OR4K15: variants seen among roughly 807,000 people sequenced by gnomAD.
OR4K15 encodes the protein olfactory receptor family 4 subfamily K member 15, also known as olfactory receptor 4K15.
For missense variants in OR4K15, 392 were observed against 390.2 expected (o/e 1.00, Z -0.04); for synonymous variants, 144 against 145.6 (o/e 0.99, Z 0.08).
Position 19,976,295 on chromosome 14 carries a change from G to T in OR4K15, c.705G>T (p.Lys235Asn), listed in dbSNP as rs150650365. The change falls in exon 1 of 1, where the codon AAG becomes AAT. Residue 235 changes from lysine to asparagine, a missense_variant. Coordinates refer to ENST00000305051, the MANE Select transcript of OR4K15 (RefSeq NM_001005486.2). ...ATCGCTCCTCTGCAAGCATGGCGAA[G>T]GCCCGCTCCACATTGACTGCTCACA... ...VRNRSSASMA[K>N]ARSTLTAHIT... 4.3e-6 allele frequency: 7 copies of T among 1,613,624 alleles called. No homozygotes were observed. Among genetic ancestry groups the T allele is most frequent in the Non-Finnish European group, 5.9e-6 (7 of 1,179,732 alleles).
At position 19,975,689 on chromosome 14, in the gene OR4K15, A is replaced by C; in HGVS notation, c.99A>C (p.Leu33=). 1 of 1,613,404 alleles carries C rather than the reference A, an allele frequency of 6.2e-7. No homozygotes were observed. The highest frequency in any genetic ancestry group is 8.5e-7 in the Non-Finnish European group (1 of 1,179,564). The stretch of plus-strand genomic sequence containing the variant: ...CTTTCTTGTTTCTTACATTTTCACT[A>C]CTTTATCTAGCAATTCTGTTGGGCA... The part of the protein sequence containing the change: ...LQPFLFLTFS[L]LYLAILLGNF... The change falls in exon 1 of 1, where the codon CTA becomes CTC. Residue 33 remains leucine, a synonymous_variant. Coordinates refer to ENST00000305051, the MANE Select transcript of OR4K15 (RefSeq NM_001005486.2).
chr14:19,976,342 T>C lies in OR4K15; in HGVS notation c.752T>C (p.Phe251Ser), dbSNP rs1327058079. ...CACATCACTGTGGTCACTTTATTCT[T>C]TGGACCATGCATTTTCATCTATGTG... ...TAHITVVTLF[F>S]GPCIFIYVWP... The change falls in exon 1 of 1, where the codon TTT becomes TCT. Residue 251 changes from phenylalanine to serine, a missense_variant. Physicochemically the swap from Phe to Ser is radical, Grantham distance 155. Transcript: ENST00000305051. 5 of 1,613,732 alleles carry C rather than the reference T, an allele frequency of 3.1e-6. No individual in the cohort carries two copies. Among genetic ancestry groups the C allele is most frequent in the East Asian group, 2.2e-5 (1 of 44,880 alleles).
In OR4K15 at chr14:19,976,296, G is replaced by A; in HGVS notation, c.706G>A (p.Ala236Thr). 6.2e-7 allele frequency: 1 copy of A among 1,613,722 alleles called. No individual in the cohort carries two copies. The highest frequency in any genetic ancestry group is 8.5e-7 in the Non-Finnish European group (1 of 1,179,714). The change falls in exon 1 of 1, where the codon GCC becomes ACC. Residue 236 changes from alanine to threonine, a missense_variant. Transcript: ENST00000305051. Reference sequence around the variant, plus strand: ...TCGCTCCTCTGCAAGCATGGCGAAGGCCCGCTCCACATTGACTGCTCACAT... The same window carrying A: ...TCGCTCCTCTGCAAGCATGGCGAAGACCCGCTCCACATTGACTGCTCACAT... Reference protein sequence around the residue: ...RNRSSASMAKARSTLTAHITV... With the variant: ...RNRSSASMAKTRSTLTAHITV...
chr14:19,976,352 C>CAT lies in OR4K15; in HGVS notation c.763_764dup (p.Ile257SerfsTer27), dbSNP rs1427465094. 1.9e-6 allele frequency: 3 copies of CAT among 1,613,728 alleles called. No homozygotes were observed. ...TGGTCACTTTATTCTTTGGACCATG[C>CAT]ATTTTCATCTATGTGTGGCCCTTCA... is the stretch of plus-strand genomic sequence containing the variant. On this transcript the variant is annotated frameshift_variant, in exon 1 of 1. Transcript: ENST00000305051. LOFTEE classifies it low-confidence loss of function (END_TRUNC).
chr14:19,976,074 T>C lies in OR4K15; in HGVS notation c.484T>C (p.Phe162Leu). The C allele has an allele frequency of 6.2e-7, 1 of 1,613,908 alleles. No homozygotes were observed. The highest frequency in any genetic ancestry group is 8.5e-7 in the Non-Finnish European group (1 of 1,179,838). The change falls in exon 1 of 1, where the codon TTC (phenylalanine) becomes CTC (leucine). Residue 162 changes from phenylalanine to leucine, a missense_variant. Physicochemically the swap from Phe to Leu is conservative, Grantham distance 22. Transcript: ENST00000305051. The part of the protein sequence containing the change: ...GFIHTTSQLA[F>L]TVNLPFCGPN... ...CATCCATACTACCAGCCAGTTGGCA[T>C]TCACTGTTAATCTGCCATTTTGTGG...
In OR4K15 at chr14:19,976,292, G is replaced by A. The variant is rs141828573; in HGVS notation, c.702G>A (p.Ala234=). The A allele has an allele frequency of 6.4e-4, 1,039 of 1,613,590 alleles. 1 individual carries two copies. Among genetic ancestry groups the A allele is most frequent in the Non-Finnish European group, 8.4e-4 (986 of 1,179,706 alleles). ...TVRNRSSASM[A]KARSTLTAHI... ...GGAATCGCTCCTCTGCAAGCATGGC[G>A]AAGGCCCGCTCCACATTGACTGCTC... Residue 234 remains alanine (A), a synonymous_variant, in exon 1 of 1, where the codon GCG becomes GCA. Coordinates refer to ENST00000305051, the MANE Select transcript of OR4K15 (RefSeq NM_001005486.2).
At position 19,975,801 on chromosome 14, in the gene OR4K15, G is replaced by A. The variant is rs201506187; in HGVS notation, c.211G>A (p.Val71Ile). ...FLLANLSFIDVCVASFATPKM... is the reference protein window; with the variant it reads ...FLLANLSFIDICVASFATPKM... ...GCTTGCAAACCTGTCATTTATAGAC[G>A]TATGTGTTGCCTCTTTTGCTACCCC... The change falls in exon 1 of 1, where the codon GTA becomes ATA. Residue 71 changes from valine (V) to isoleucine (I), a missense_variant. Val to Ile is a conservative substitution (Grantham distance 29). Transcript: ENST00000305051. 1.1e-4 allele frequency: 170 copies of A among 1,613,348 alleles called. No homozygotes were observed. Among genetic ancestry groups the A allele is most frequent in the Middle Eastern group, 3.3e-4 (2 of 6,078 alleles).
Position 19,975,945 on chromosome 14 carries a change from G to C in OR4K15, c.355G>C (p.Ala119Pro). The change falls in exon 1 of 1, where the codon GCC becomes CCC. Residue 119 changes from alanine to proline, a missense_variant. Transcript: ENST00000305051. ...TGAAATGGTGCTCCTAGTTTCCATG[G>C]CCTATGACCGTTATGTTGCTATATG... Reference protein sequence around the residue: ...GSEMVLLVSMAYDRYVAICKP... With the variant: ...GSEMVLLVSMPYDRYVAICKP... 1.2e-6 allele frequency: 2 copies of C among 1,613,602 alleles called. No individual in the cohort carries two copies. The highest frequency in any genetic ancestry group is 1.7e-6 in the Non-Finnish European group (2 of 1,179,820).
chr14:19,976,184 A>G lies in OR4K15; in HGVS notation c.594A>G (p.Leu198=). ...ACIDTYVVSL[L]IVADSGFLSL... ...TAGACACTTATGTTGTCAGCTTACTAATAGTTGCAGATAGTGGCTTTCTTT... is the reference window on the plus strand; with the variant it reads ...TAGACACTTATGTTGTCAGCTTACTGATAGTTGCAGATAGTGGCTTTCTTT... The change falls in exon 1 of 1, where the codon CTA becomes CTG. Residue 198 remains leucine, a synonymous_variant. Transcript: ENST00000305051. 3 of 1,613,770 alleles carry G rather than the reference A, an allele frequency of 1.9e-6. No individual in the cohort carries two copies. Among genetic ancestry groups the G allele is most frequent in the Non-Finnish European group, 2.5e-6 (3 of 1,179,712 alleles).
rs371653383 is a variant in OR4K15, at chr14:19,975,664, C to G, written c.74C>G (p.Pro25Arg). The G allele has an allele frequency of 1.6e-5, 26 of 1,613,286 alleles. No homozygotes were observed. ...CTGTCTAGTTCAAGGGAGCTCCAAC[C>G]TTTCTTGTTTCTTACATTTTCACTA... ...LGLSSSRELQ[P>R]FLFLTFSLLY... Residue 25 changes from proline (P) to arginine (R), a missense_variant, in exon 1 of 1, where the codon CCT (proline) becomes CGT (arginine). Transcript: ENST00000305051.
Position 19,976,272 on chromosome 14 carries a change from C to T in OR4K15, c.682C>T (p.Arg228Cys), listed in dbSNP as rs140788284. The change falls in exon 1 of 1, where the codon CGC (arginine) becomes TGC (cysteine). Residue 228 changes from arginine to cysteine, a missense_variant. By Grantham distance (180) the Arg-to-Cys change is radical. Transcript: ENST00000305051. ...YTVILVTVRNRSSASMAKARS... is the reference protein window; with the variant it reads ...YTVILVTVRNCSSASMAKARS... ...TGTAATACTTGTTACAGTTAGGAAT[C>T]GCTCCTCTGCAAGCATGGCGAAGGC... The T allele has an allele frequency of 3.1e-4, 503 of 1,613,646 alleles. 1 individual carries two copies. In the East Asian group the frequency reaches 7.2e-3, roughly 23 times the overall value.
Position 19,975,780 on chromosome 14 carries a change from G to A in OR4K15, c.190G>A (p.Ala64Thr), listed in dbSNP as rs780919804. Residue 64 changes from alanine to threonine, a missense_variant, in exon 1 of 1, where the codon GCA (alanine) becomes ACA (threonine). Transcript: ENST00000305051. Reference sequence around the variant, plus strand: ...TCACACCCCCATGTACTTTCTGCTTGCAAACCTGTCATTTATAGACGTATG... The same window carrying A: ...TCACACCCCCATGTACTTTCTGCTTACAAACCTGTCATTTATAGACGTATG... ...RLHTPMYFLLANLSFIDVCVA... is the reference protein window; with the variant it reads ...RLHTPMYFLLTNLSFIDVCVA... The A allele has an allele frequency of 4.3e-6, 7 of 1,613,206 alleles. No homozygotes were observed. In the South Asian group the frequency reaches 7.7e-5, roughly 18 times the overall value.
At position 19,976,014 on chromosome 14, in the gene OR4K15, G is replaced by A. The variant is rs766826567; in HGVS notation, c.424G>A (p.Val142Ile). ...GACAGTCATGAGCCGTCGTGTATGT[G>A]TTGTGCTCGTCCTCATTTCATGGTT... ...YMTVMSRRVC[V>I]VLVLISWFVG... Residue 142 changes from valine (V) to isoleucine (I), a missense_variant, in exon 1 of 1, where the codon GTT (valine) becomes ATT (isoleucine). Coordinates refer to ENST00000305051, the MANE Select transcript of OR4K15 (RefSeq NM_001005486.2). 55 of 1,613,582 alleles carry A rather than the reference G, an allele frequency of 3.4e-5. No homozygotes were observed. The Admixed American group carries it at 9.2e-4, about 27-fold the overall frequency.
rs139377821 is a variant in OR4K15 at position 19,975,856 on chromosome 14, G to A, written c.266G>A (p.Arg89His). 41 of 1,613,498 alleles carry A rather than the reference G, an allele frequency of 2.5e-5. No individual in the cohort carries two copies. The highest frequency in any genetic ancestry group is 1.3e-4 in the African/African-American group (10 of 74,904). Residue 89 changes from arginine to histidine, a missense_variant, in exon 1 of 1, where the codon CGC becomes CAC. By Grantham distance (29) the Arg-to-His change is conservative. Coordinates refer to ENST00000305051, the MANE Select transcript of OR4K15 (RefSeq NM_001005486.2). ...PKMIADFLVE[R>H]KTISFDACLA... is the part of the protein sequence containing the mutation. ...ATGATTGCAGACTTTCTGGTTGAGC[G>A]CAAGACTATTTCTTTTGATGCCTGC...
rs1321735188 is a variant in OR4K15, at chr14:19,976,475, G to T, written c.885G>T (p.Lys295Asn). The change falls in exon 1 of 1, where the codon AAG becomes AAT. Residue 295 changes from lysine (K) to asparagine (N), a missense_variant. By Grantham distance (94) the Lys-to-Asn change is moderately conservative. Coordinates refer to ENST00000305051, the MANE Select transcript of OR4K15 (RefSeq NM_001005486.2). ...ACACGCTAAGAAACAAAGAAGTGAAGGCAGCTATGTCAAAACTGAAGAGTC... is the reference window on the plus strand; with the variant it reads ...ACACGCTAAGAAACAAAGAAGTGAATGCAGCTATGTCAAAACTGAAGAGTC... Reference protein sequence around the residue: ...VIYTLRNKEVKAAMSKLKSRY... With the variant: ...VIYTLRNKEVNAAMSKLKSRY... 6.2e-7 allele frequency: 1 copy of T among 1,613,452 alleles called. No individual in the cohort carries two copies. Among genetic ancestry groups the T allele is most frequent in the Non-Finnish European group, 8.5e-7 (1 of 1,179,652 alleles).
In OR4K15 at chr14:19,976,237, T is replaced by A; in HGVS notation, c.647T>A (p.Val216Asp). The A allele has an allele frequency of 6.2e-7, 1 of 1,613,652 alleles. No homozygotes were observed. The highest frequency in any genetic ancestry group is 8.5e-7 in the Non-Finnish European group (1 of 1,179,676). ...LSLSSFLLLV[V>D]SYTVILVTVR... is the part of the protein sequence containing the mutation. ...CTGAGTTCCTTTCTCCTCTTGGTTGTCTCCTACACTGTAATACTTGTTACA... is the reference window on the plus strand; with the variant it reads ...CTGAGTTCCTTTCTCCTCTTGGTTGACTCCTACACTGTAATACTTGTTACA... The change falls in exon 1 of 1, where the codon GTC becomes GAC. Residue 216 changes from valine to aspartate, a missense_variant. Transcript: ENST00000305051.
Position 19,976,402 on chromosome 14 carries a change from T to C in OR4K15, c.812T>C (p.Leu271Pro). 1.9e-6 allele frequency: 3 copies of C among 1,613,868 alleles called. No homozygotes were observed. The highest frequency in any genetic ancestry group is 1.3e-5 in the African/African-American group (1 of 75,034). Residue 271 changes from leucine (L) to proline (P), a missense_variant, in exon 1 of 1, where the codon CTT becomes CCT. Physicochemically the swap from Leu to Pro is moderately conservative, Grantham distance 98. Transcript: ENST00000305051. ...PFSSYSVDKV[L>P]AVFYTIFTLI... ...AGCAGTTACTCAGTTGACAAAGTCC[T>C]TGCTGTATTCTACACCATCTTCACG...
Position 19,976,057 on chromosome 14 carries a change from C to G in OR4K15, c.467C>G (p.Thr156Ser), listed in dbSNP as rs773388935. Residue 156 changes from threonine to serine, a missense_variant, in exon 1 of 1, where the codon ACT (threonine) becomes AGT (serine). Physicochemically the swap from Thr to Ser is moderately conservative, Grantham distance 58. Coordinates refer to ENST00000305051, the MANE Select transcript of OR4K15 (RefSeq NM_001005486.2). Reference protein sequence around the residue: ...LISWFVGFIHTTSQLAFTVNL... With the variant: ...LISWFVGFIHSTSQLAFTVNL... ...TCATGGTTTGTGGGCTTCATCCATA[C>G]TACCAGCCAGTTGGCATTCACTGTT... 3 of 1,613,844 alleles carry G rather than the reference C, an allele frequency of 1.9e-6. No individual in the cohort carries two copies. The African/African-American group carries it at 4.0e-5, about 22-fold the overall frequency.
rs141050996 is a variant in OR4K15 at position 19,976,188 on chromosome 14, G to A, written c.598G>A (p.Val200Ile). 20 of 1,613,708 alleles carry A rather than the reference G, an allele frequency of 1.2e-5. No individual in the cohort carries two copies. The highest frequency in any genetic ancestry group is 1.7e-5 in the Admixed American group (1 of 59,978). The stretch of plus-strand genomic sequence containing the variant: ...CACTTATGTTGTCAGCTTACTAATA[G>A]TTGCAGATAGTGGCTTTCTTTCTCT... Reference protein sequence around the residue: ...IDTYVVSLLIVADSGFLSLSS... With the variant: ...IDTYVVSLLIIADSGFLSLSS... Residue 200 changes from valine (V) to isoleucine (I), a missense_variant, in exon 1 of 1, where the codon GTT (valine) becomes ATT (isoleucine). Coordinates refer to ENST00000305051, the MANE Select transcript of OR4K15 (RefSeq NM_001005486.2).
Sources: allele counts gnomAD v4.1 joint callset, GRCh38; gene constraint gnomAD v4.1.1; transcripts MANE v1.5; gene names NCBI Gene and HGNC (gene_info 2026-07-23, HGNC 2026-07-21).